ELAVL2: variants seen among roughly 807,000 people sequenced by gnomAD.
ELAVL2 encodes the protein ELAV like RNA binding protein 2, also known as ELAV-like protein 2.
A neutral mutation model predicts 34.6 loss-of-function variants in ELAVL2; 4 were observed. The ratio of observed to expected loss-of-function variants is 0.12; its 90% CI spans 0.06 to 0.26. The LOEUF (loss-of-function observed/expected upper bound fraction) is 0.26. ELAVL2 is among the 10% of genes least tolerant of loss of function. ELAVL2 has a pLI of 1.00. For synonymous variants in ELAVL2, 193 were observed against 154.8 expected (o/e 1.25, Z -1.83); for missense variants, 432 against 442.8 (o/e 0.98, Z 0.22).
chr9:23,788,127 A>G (rs1398615101), intron 1 of ELAVL2, among the ~76,000 whole-genome samples: 4 of 152,220 alleles, frequency 2.6e-5, no homozygotes, highest in Non-Finnish European at 5.9e-5. Flanking sequence ...TAATGTAACC[A>G]ATGGGTATGA....
At chr9:23,744,747 C>T (rs970897180) in intron 2 of ELAVL2, among the ~76,000 whole-genome samples, 4 of 150,270 alleles carry the variant, frequency 2.7e-5, no homozygotes, top group South Asian at 2.1e-4. Context: ...GCACCCCCCA[C>T]GAAAAAAAAT....
chr9:23,692,935 A>G, intron 6 of ELAVL2, 51 bp from the exon 7 acceptor site: 1 of 1,555,198 alleles, frequency 6.4e-7, no homozygotes, highest in Non-Finnish European at 8.7e-7. Flanking sequence ...ATAAAAACAG[A>G]GGTTGGTTAT....
chr9:23,782,214 T>G (rs1360399621), intron 1 of ELAVL2, among the ~76,000 whole-genome samples: 1 of 152,146 alleles, frequency 6.6e-6, no homozygotes, highest in African/African-American at 2.4e-5. Context: ...TAGTTGGCAA[T>G]TTAAGAATCA....
upstream of ELAVL2, among the ~76,000 whole-genome samples, chr9:23,827,501 A>G (rs1337532397): frequency 1.3e-5 from 2 of 152,088 alleles, no homozygotes; most frequent in Admixed American, 1.3e-4. Flanking sequence ...AGATAGCACC[A>G]ACTTCCTAGA....
At chr9:23,809,353 G>C (rs2062669023) in intron 1 of ELAVL2, among the ~76,000 whole-genome samples, 1 of 152,138 alleles carries the variant, frequency 6.6e-6, no homozygotes, top group Non-Finnish European at 1.5e-5. Context: ...AGCTATTTCA[G>C]CTTCTCAATT....
rs1226025919 is a variant in ELAVL2, at chr9:23,690,613, TG to T, written c.*1943del. On this transcript the variant is annotated 3_prime_UTR_variant, in exon 7 of 7. Coordinates refer to ENST00000397312, the MANE Select transcript of ELAVL2 (RefSeq NM_004432.5). ...TCACAGTATATGTACTGTACTATAC[TG>T]AAAAATTTTATAACTACAATTTTAA... 6.6e-6 allele frequency: 1 copy of T among 152,528 alleles called. No individual in the cohort carries two copies. Among genetic ancestry groups the T allele is most frequent in the Non-Finnish European group, 1.5e-5 (1 of 68,006 alleles). The allele number at this position is 152,528 out of a possible 1,614,324, so 9.4% of individuals were successfully genotyped here. A position where few individuals can be genotyped will look rare whatever the true frequency, so the allele number is the denominator to read the frequency against.
chr9:23,760,897 G>C (rs1315206654), intron 2 of ELAVL2, among the ~76,000 whole-genome samples: 1 of 152,022 alleles, frequency 6.6e-6, no homozygotes, highest in African/African-American at 2.4e-5. Context: ...ATCTTGGAGA[G>C]AATGAGCCCT....
In ELAVL2 at chr9:23,744,485, A is replaced by C. The variant is rs182266969; in HGVS notation, c.230-13360T>G. On this transcript the variant is annotated intron_variant, in intron 2 of 6. Transcript: ENST00000397312. ...TATATATTATAAACTAATCTCCTTT[A>C]TTCAGGGAAAAACTTTAAATATGTA... Among the ~76,000 whole-genome samples the C allele has an allele frequency of 6.3e-4, 96 of 152,270 alleles. 1 individual carries two copies. The highest frequency in any genetic ancestry group is 2.2e-3 in the African/African-American group (92 of 41,562).
At chr9:23,770,058 A>G (rs2057025360) in intron 1 of ELAVL2, among the ~76,000 whole-genome samples, 1 of 152,250 alleles carries the variant, frequency 6.6e-6, no homozygotes, top group Non-Finnish European at 1.5e-5. Flanking sequence ...TTCAACGAAC[A>G]TCTCCATGCA....
At chr9:23,773,997 G>C (rs780691647) in intron 1 of ELAVL2, among the ~76,000 whole-genome samples, 2 of 151,786 alleles carry the variant, frequency 1.3e-5, no homozygotes, top group Non-Finnish European at 2.9e-5. Flanking sequence ...AGATCACGAG[G>C]TCAGGATATC....
chr9:23,786,236 G>T (rs2059663462), intron 1 of ELAVL2, among the ~76,000 whole-genome samples: 1 of 152,058 alleles, frequency 6.6e-6, no homozygotes, highest in Admixed American at 6.6e-5. Context: ...GAAAGTCAAG[G>T]AGAACTTTAA....
chr9:23,790,226 A>G (rs2060173535), intron 1 of ELAVL2, among the ~76,000 whole-genome samples: 1 of 152,192 alleles, frequency 6.6e-6, no homozygotes, highest in Admixed American at 6.5e-5. Context: ...GATGAGACAG[A>G]AAATCTTGAA....
In ELAVL2 at chr9:23,701,522, T is replaced by C. The variant is rs1310968633; in HGVS notation, c.570A>G (p.Lys190=). 2 of 1,614,000 alleles carry C rather than the reference T, an allele frequency of 1.2e-6. No homozygotes were observed. Among genetic ancestry groups the C allele is most frequent in the Admixed American group, 1.7e-5 (1 of 60,000 alleles). Residue 190 remains lysine (K), a synonymous_variant, in exon 5 of 7, where the codon AAA becomes AAG. Transcript: ENST00000397312. ...EEAIKGLNGQ[K]PPGATEPITV... ...TGATTGGCTCCGTGGCACCGGGAGGTTTCTGGCCATTTAGGCCTTTGATAG... is the reference window on the plus strand; with the variant it reads ...TGATTGGCTCCGTGGCACCGGGAGGCTTCTGGCCATTTAGGCCTTTGATAG...
chr9:23,767,512 G>T (rs533551874), intron 1 of ELAVL2, among the ~76,000 whole-genome samples: 37 of 152,260 alleles, frequency 2.4e-4, no homozygotes, highest in African/African-American at 8.7e-4. Context: ...CAGACTCGGC[G>T]GCTCACGTCT....
chr9:23,801,159 G>A (rs1004203147), intron 1 of ELAVL2, among the ~76,000 whole-genome samples: 1 of 152,072 alleles, frequency 6.6e-6, no homozygotes, highest in Non-Finnish European at 1.5e-5. Context: ...TTGGAAGTAG[G>A]TACACGCACC....
At chr9:23,846,727 A>T in the ELAVL2 span, among the ~76,000 whole-genome samples, 1 of 152,072 alleles carries the variant, frequency 6.6e-6, no homozygotes, top group African/African-American at 2.4e-5. Context: ...TCCAAACCCA[A>T]TGTGGGTACA....
chr9:23,823,478 G>C (rs939010929), intron 1 of ELAVL2, among the ~76,000 whole-genome samples: 12 of 152,196 alleles, frequency 7.9e-5, no homozygotes, highest in Admixed American at 2.0e-4. Flanking sequence ...GAACAGGTTA[G>C]CTTTATGAAG....
At chr9:23,754,140 AT>A (rs995424239) in intron 2 of ELAVL2, among the ~76,000 whole-genome samples, 4 of 148,698 alleles carry the variant, frequency 2.7e-5, no homozygotes, top group Non-Finnish European at 4.4e-5. Flanking sequence ...AGTGACACAT[AT>A]TTTTTTTTAC....
At chr9:23,811,585 G>T (rs868314547) in intron 1 of ELAVL2, among the ~76,000 whole-genome samples, 1 of 152,212 alleles carries the variant, frequency 6.6e-6, no homozygotes, top group Non-Finnish European at 1.5e-5. Flanking sequence ...CAAAAGGGAG[G>T]AAGTCAAAAA....
Sources: allele counts gnomAD v4.1 joint callset (sites outside exome capture counted in the v4.1 genomes callset), GRCh38; gene constraint gnomAD v4.1.1; transcripts MANE v1.5; gene names NCBI Gene and HGNC (gene_info 2026-07-23, HGNC 2026-07-21).